KIAA1671: variants seen among roughly 807,000 people sequenced by gnomAD.
KIAA1671 encodes the protein KIAA1671.
In KIAA1671, 52 loss-of-function variants were observed where a neutral mutation model predicts 131.2. The observed-to-expected ratio is 0.40, with a 90% confidence interval of 0.32 to 0.50. The LOEUF (loss-of-function observed/expected upper bound fraction) is 0.50, where lower values mean the gene tolerates loss of function less well. Among genes scored for constraint, KIAA1671 ranks in the 20% least tolerant of loss-of-function variants. The probability of loss-of-function intolerance (pLI) is 0.73; values close to 1 mark genes in which losing one functional copy is unlikely to be tolerated. For missense variants in KIAA1671, 2,360 were observed against 2,364.2 expected (o/e 1.00, Z 0.04); for synonymous variants, 1,003 against 961.6 (o/e 1.04, Z -0.80).
In KIAA1671 at chr22:25,040,654, T is replaced by A. The variant is rs2145806820; in HGVS notation, c.3524T>A (p.Val1175Glu). Residue 1175 changes from valine (V) to glutamate (E), a missense_variant, in exon 5 of 13, where the codon GTG becomes GAG. Around this residue, in one of 3 missense-constraint regions of KIAA1671, gnomAD observed 1,161 missense variants for 1,204.7 expected, o/e 0.96. Coordinates refer to ENST00000358431, the MANE Select transcript of KIAA1671 (RefSeq NM_001145206.2). ...AGGAGTCGTCCAAAAGATCTTCCTG[T>A]GAGAAGGAAGACTGATGTGATCAGT... ...TLRSRPKDLP[V>E]RRKTDVISDT... 8 of 1,551,986 alleles carry A rather than the reference T, an allele frequency of 5.2e-6. No homozygotes were observed. In the South Asian group the frequency reaches 9.5e-5, roughly 18 times the overall value.
chr22:25,099,407 C>T (rs1009248829), intron 6 of KIAA1671, among the ~76,000 whole-genome samples: 5 of 152,084 alleles, frequency 3.3e-5, no homozygotes, highest in Non-Finnish European at 2.9e-5. Context: ...GATGTGGGGC[C>T]TGGCACACAC....
At chr22:25,006,944 A>C (rs1924779340) in intron 1 of KIAA1671, among the ~76,000 whole-genome samples, 1 of 152,190 alleles carries the variant, frequency 6.6e-6, no homozygotes, top group African/African-American at 2.4e-5. Flanking sequence ...TATGTAAGGC[A>C]ATATATCTGC....
At chr22:24,997,198 G>A (rs1408027901) in intron 1 of KIAA1671, among the ~76,000 whole-genome samples, 1 of 152,160 alleles carries the variant, frequency 6.6e-6, no homozygotes, top group African/African-American at 2.4e-5. Context: ...TAAAACAGTG[G>A]GGTTGGTGTC....
chr22:25,169,297 T>TA (rs1933760188), intron 6 of KIAA1671, among the ~76,000 whole-genome samples: 1 of 151,886 alleles, frequency 6.6e-6, no homozygotes. Context: ...TGTATACCTA[T>TA]ACTCCCAGCT....
rs558702057 is a variant in KIAA1671 at position 25,138,388 on chromosome 22, G to A, written c.4531-32432G>A. ...CACATGACTGCACCTGAGACCAAGA[G>A]GGGTATATAATCCTTCGGTAGGGAG... On this transcript the variant is annotated intron_variant, in intron 6 of 12. Coordinates refer to ENST00000358431, the MANE Select transcript of KIAA1671 (RefSeq NM_001145206.2). Among the ~76,000 whole-genome samples the A allele has an allele frequency of 8.5e-5, 13 of 152,294 alleles. No individual in the cohort carries two copies. In the South Asian group the frequency reaches 2.7e-3, roughly 32 times the overall value.
Position 25,029,011 on chromosome 22 carries a change from C to G in KIAA1671, c.1012C>G (p.His338Asp). 1 of 1,506,714 alleles carries G rather than the reference C, an allele frequency of 6.6e-7. No individual in the cohort carries two copies. The highest frequency in any genetic ancestry group is 2.4e-5 in the Admixed American group (1 of 41,972). 93.3% of individuals were successfully genotyped at this position (1,506,714 alleles called of 1,614,324 possible). Residue 338 changes from histidine to aspartate, a missense_variant, in exon 3 of 13, where the codon CAT becomes GAT. His to Asp is a moderately conservative substitution (Grantham distance 81). Around this residue, in one of 3 missense-constraint regions of KIAA1671, gnomAD observed 1,185 missense variants for 1,126.2 expected, o/e 1.05. Transcript: ENST00000358431. ...TTTGGTCAAGGCGGAGGCTCCTCTT[C>G]ATGATCCTGATTTGGACTTCCTGGA... ...DCLVKAEAPLHDPDLDFLEVA... is the reference protein window; with the variant it reads ...DCLVKAEAPLDDPDLDFLEVA...
intron 6 of KIAA1671, among the ~76,000 whole-genome samples, chr22:25,153,380 A>T (rs543916533): frequency 5.3e-4 from 81 of 152,244 alleles, no homozygotes; most frequent in African/African-American, 1.9e-3. Context: ...TGCTACTGAC[A>T]TTGGTGGCTG....
chr22:25,068,900 C>T (rs1247686522), intron 6 of KIAA1671, among the ~76,000 whole-genome samples: 1 of 152,300 alleles, frequency 6.6e-6, no homozygotes, highest in East Asian at 1.9e-4. Flanking sequence ...AGGGCCTCTG[C>T]CTGGTGCCTC....
At chr22:25,150,616 G>A (rs943409905) in intron 6 of KIAA1671, among the ~76,000 whole-genome samples, 2 of 152,114 alleles carry the variant, frequency 1.3e-5, no homozygotes, top group African/African-American at 4.8e-5. Context: ...TCCCTGGCAT[G>A]GTCTCATAAA....
At chr22:25,110,884 GC>G in intron 6 of KIAA1671, 1 of 152,500 alleles carries the variant, frequency 6.6e-6, no homozygotes, top group East Asian at 1.9e-4. Context: ...GCCCCGGGTT[GC>G]CATGGCAACT....
chr22:25,052,655 C>T (rs1602100563), intron 6 of KIAA1671: 1 of 152,066 alleles, frequency 6.6e-6, no homozygotes, highest in Non-Finnish European at 1.5e-5. Flanking sequence ...TGAGATGATG[C>T]TTACAAAGCT....
intron 1 of KIAA1671, among the ~76,000 whole-genome samples, chr22:24,965,427 C>T (rs1044730502): frequency 1.1e-4 from 17 of 148,446 alleles, no homozygotes; most frequent in African/African-American, 4.0e-4. Flanking sequence ...AAAAAAAAAA[C>T]GGGAGACCTC....
chr22:25,068,718 G>C (rs547815238), intron 6 of KIAA1671, among the ~76,000 whole-genome samples: 1 of 152,304 alleles, frequency 6.6e-6, no homozygotes, highest in South Asian at 2.1e-4. Flanking sequence ...TTACAGGCGT[G>C]AGCCACCGTG....
intron 6 of KIAA1671, among the ~76,000 whole-genome samples, chr22:25,138,657 A>G (rs1019866212): frequency 6.6e-6 from 1 of 152,184 alleles, no homozygotes; most frequent in African/African-American, 2.4e-5. Flanking sequence ...TCATTTATTC[A>G]TCTGTTGGTT....
chr22:25,178,681 C>G (rs573031411), intron 9 of KIAA1671, among the ~76,000 whole-genome samples: 107 of 152,306 alleles, frequency 7.0e-4, no homozygotes, highest in African/African-American at 2.4e-3. Context: ...GGGCAGGTCC[C>G]CAACTGCAGG....
rs142897623 is a variant in KIAA1671 at position 24,973,256 on chromosome 22, C to T, written c.-208+20484C>T. On this transcript the variant is annotated intron_variant, in intron 1 of 12. Coordinates refer to ENST00000358431, the MANE Select transcript of KIAA1671 (RefSeq NM_001145206.2). ...GTGCTCAGGGGCAGAAGTGGAGGCCCGGAGGCCAGTGAGGAAGCTACATCT... is the reference window on the plus strand; with the variant it reads ...GTGCTCAGGGGCAGAAGTGGAGGCCTGGAGGCCAGTGAGGAAGCTACATCT... Among the ~76,000 whole-genome samples, 464 of 152,180 alleles carry T rather than the reference C, an allele frequency of 3.0e-3. 8 individuals carry two copies. The highest frequency in any genetic ancestry group is 0.011 in the African/African-American group (436 of 41,520).
chr22:25,037,065 G>A (rs1205176611), intron 4 of KIAA1671, among the ~76,000 whole-genome samples: 1 of 152,330 alleles, frequency 6.6e-6, no homozygotes, highest in East Asian at 1.9e-4. Flanking sequence ...GCTTGTGTTT[G>A]TAATCTCAAC....
chr22:24,980,726 T>C (rs1180826659), intron 1 of KIAA1671, among the ~76,000 whole-genome samples: 2 of 152,122 alleles, frequency 1.3e-5, no homozygotes, highest in East Asian at 3.8e-4. Flanking sequence ...ATTCACATCC[T>C]TGCCAACACT....
At position 25,090,713 on chromosome 22, in the gene KIAA1671, C is replaced by T. The variant is rs562079427; in HGVS notation, c.4530+41349C>T. ...TCATCTCATTGGGTACACGTAGCAC[C>T]TTCATCAAGCAATATTGTTATCATC... On this transcript the variant is annotated intron_variant, in intron 6 of 12. Transcript: ENST00000358431. 3.3e-5 allele frequency among the ~76,000 whole-genome samples: 5 copies of T among 152,338 alleles called. No individual in the cohort carries two copies. In the South Asian group the frequency reaches 1.0e-3, roughly 32 times the overall value.
Sources: allele counts gnomAD v4.1 joint callset (sites outside exome capture counted in the v4.1 genomes callset), GRCh38; gene constraint gnomAD v4.1.1; regional missense constraint gnomAD v4.1.1; transcripts MANE v1.5; gene names NCBI Gene and HGNC (gene_info 2026-07-23, HGNC 2026-07-21).